Variants in PTPN9 observed in about 807,000 individuals in gnomAD.
PTPN9 encodes the protein protein tyrosine phosphatase non-receptor type 9.
In PTPN9, 26 loss-of-function variants were observed where a neutral mutation model predicts 69.8. That is an observed-to-expected ratio of 0.37 (90% confidence interval 0.27 to 0.52). The LOEUF is 0.52. Among genes scored for constraint, PTPN9 ranks in the 20% least tolerant of loss-of-function variants. PTPN9 has a pLI of 0.91. For synonymous variants in PTPN9, 274 were observed against 272.5 expected (o/e 1.01, Z -0.05); for missense variants, 549 against 740.3 (o/e 0.74, Z 3.00).
intron 1 of PTPN9, among the ~76,000 whole-genome samples, chr15:75,548,803 G>A (rs1453868554): frequency 2.0e-5 from 3 of 150,728 alleles, no homozygotes; most frequent in Non-Finnish European, 4.4e-5. Context: ...ACAGGCGCCC[G>A]CCACCACGCC....
intron 2 of PTPN9, among the ~76,000 whole-genome samples, chr15:75,526,705 C>T (rs2074929450): frequency 6.6e-6 from 1 of 152,144 alleles, no homozygotes; most frequent in South Asian, 2.1e-4. Context: ...ACTTCCCTTC[C>T]TGAACTGCCC....
intron 9 of PTPN9, among the ~76,000 whole-genome samples, chr15:75,478,832 G>A (rs1273732628): frequency 6.6e-6 from 1 of 152,224 alleles, no homozygotes; most frequent in Non-Finnish European, 1.5e-5. Context: ...TGATTAAGGA[G>A]GTATCCACCG....
In PTPN9 at chr15:75,505,976, T is replaced by A. The variant is rs1318329912; in HGVS notation, c.667A>T (p.Thr223Ser). The A allele has an allele frequency of 1.2e-6, 2 of 1,613,056 alleles. No homozygotes were observed. Among genetic ancestry groups the A allele is most frequent in the Non-Finnish European group, 1.7e-6 (2 of 1,179,120 alleles). Residue 223 changes from threonine to serine, a missense_variant, in exon 7 of 13, where the codon ACG becomes TCG. By Grantham distance (58) the Thr-to-Ser change is moderately conservative. Coordinates refer to ENST00000618819, the MANE Select transcript of PTPN9 (RefSeq NM_002833.4). ...AGACACTCCCTGGGCAGATGCTGCG[T>A]GACCTCAGATGTCTTTAATATTTGA... ...RIQILKTSEV[T>S]QHLPRECLPE... is the part of the protein sequence containing the mutation.
intron 1 of PTPN9, among the ~76,000 whole-genome samples, chr15:75,536,768 T>G (rs1309732336): frequency 6.6e-6 from 1 of 152,036 alleles, no homozygotes; most frequent in East Asian, 1.9e-4. Context: ...AGGGATGAGA[T>G]GATGAGTTTG....
At chr15:75,504,548 T>C (rs1243474274) in intron 7 of PTPN9, among the ~76,000 whole-genome samples, 4 of 126,624 alleles carry the variant, frequency 3.2e-5, no homozygotes, top group Admixed American at 7.9e-5. Context: ...AGCCGCCCCG[T>C]CCAGGAGGTG....
chr15:75,504,782 CCG>C (rs2074807086), intron 7 of PTPN9, among the ~76,000 whole-genome samples: 3 of 146,446 alleles, frequency 2.0e-5, no homozygotes, highest in East Asian at 2.1e-4. Flanking sequence ...GCCAGCCGCC[CCG>C]TCCGGGAGGG....
At chr15:75,570,981 C>T (rs547352519) in intron 1 of PTPN9, among the ~76,000 whole-genome samples, 343 of 151,922 alleles carry the variant, frequency 2.3e-3, no homozygotes, top group Non-Finnish European at 3.5e-3. Flanking sequence ...ACGATGAGGA[C>T]GGGCACGGTA....
intron 7 of PTPN9, among the ~76,000 whole-genome samples, chr15:75,504,207 T>G (rs1426982914): frequency 2.6e-4 from 8 of 30,368 alleles, no homozygotes; most frequent in Admixed American, 1.2e-3. Flanking sequence ...GGGAGGGAGG[T>G]CGGGGGGGTC....
intron 9 of PTPN9, among the ~76,000 whole-genome samples, chr15:75,478,908 T>C (rs1284528029): frequency 2.6e-5 from 4 of 152,264 alleles, no homozygotes; most frequent in Non-Finnish European, 5.9e-5. Context: ...TTCTGTATTA[T>C]GATTTCCTCC....
At chr15:75,503,907 G>T (rs1595955114) in intron 7 of PTPN9, among the ~76,000 whole-genome samples, 1 of 108,306 alleles carries the variant, frequency 9.2e-6, no homozygotes, top group Non-Finnish European at 1.9e-5. Flanking sequence ...AGGGAGGTGG[G>T]GTCAGCCCCC....
chr15:75,523,214 G>A lies in PTPN9; in HGVS notation c.329C>T (p.Ala110Val). 1.9e-6 allele frequency: 3 copies of A among 1,614,044 alleles called. No individual in the cohort carries two copies. The highest frequency in any genetic ancestry group is 2.5e-6 in the Non-Finnish European group (3 of 1,180,010). ...NVRDPTGASIALFTARLHHPH... is the reference protein window; with the variant it reads ...NVRDPTGASIVLFTARLHHPH... ...ATGATGCAACCTGGCAGTAAAGAGG[G>A]CAATGGAGGCTCCTGTTGGGTCCCG... Residue 110 changes from alanine to valine, a missense_variant, in exon 4 of 13, where the codon GCC becomes GTC. By Grantham distance (64) the Ala-to-Val change is moderately conservative. Coordinates refer to ENST00000618819, the MANE Select transcript of PTPN9 (RefSeq NM_002833.4).
chr15:75,479,764 C>T (rs957693504), intron 9 of PTPN9, 84 bp downstream of exon 9: 9 of 1,187,952 alleles, frequency 7.6e-6, no homozygotes, highest in East Asian at 5.0e-5. Context: ...AGTTACCATT[C>T]GTTTAAAAAT....
At chr15:75,483,404 T>C (rs950101672) in intron 8 of PTPN9, among the ~76,000 whole-genome samples, 1 of 152,218 alleles carries the variant, frequency 6.6e-6, no homozygotes, top group Admixed American at 6.5e-5. Context: ...TGATGATACA[T>C]GCTATGACAT....
At chr15:75,490,841 G>A (rs2074705379) in intron 7 of PTPN9, among the ~76,000 whole-genome samples, 1 of 152,032 alleles carries the variant, frequency 6.6e-6, no homozygotes, top group Non-Finnish European at 1.5e-5. Context: ...TAGCCAGGAT[G>A]GTCTCGATCT....
chr15:75,518,083 T>G (rs2074880850), intron 4 of PTPN9, among the ~76,000 whole-genome samples: 1 of 152,118 alleles, frequency 6.6e-6, no homozygotes, highest in African/African-American at 2.4e-5. Context: ...TCCTAAAAAG[T>G]AGATTAAGGC....
At chr15:75,496,211 G>A (rs2074740145) in intron 7 of PTPN9, among the ~76,000 whole-genome samples, 1 of 150,736 alleles carries the variant, frequency 6.6e-6, no homozygotes, top group Non-Finnish European at 1.5e-5. Flanking sequence ...CGAGGCAGGT[G>A]AATCACTTGA....
At chr15:75,472,376 G>A (rs1041655397) in intron 10 of PTPN9, among the ~76,000 whole-genome samples, 5 of 151,750 alleles carry the variant, frequency 3.3e-5, no homozygotes, top group African/African-American at 7.3e-5. Context: ...GGAGAATGGC[G>A]TGAACCCCGG....
At chr15:75,478,519 C>T (rs931288239) in intron 9 of PTPN9, among the ~76,000 whole-genome samples, 1 of 152,214 alleles carries the variant, frequency 6.6e-6, no homozygotes, top group South Asian at 2.1e-4. Context: ...GATACTCCCC[C>T]CTCAGCCTCC....
At chr15:75,523,667 A>C (rs1475809000) in intron 3 of PTPN9, among the ~76,000 whole-genome samples, 2 of 152,160 alleles carry the variant, frequency 1.3e-5, no homozygotes, top group Non-Finnish European at 2.9e-5. Context: ...CTAAGTGGAG[A>C]GCTTGCGTTA....
Sources: allele counts gnomAD v4.1 joint callset (sites outside exome capture counted in the v4.1 genomes callset), GRCh38; gene constraint gnomAD v4.1.1; transcripts MANE v1.5; gene names NCBI Gene and HGNC (gene_info 2026-07-23, HGNC 2026-07-21).